The following SKOR2 variants were observed in gnomAD, a reference collection of about 807,000 sequenced individuals.
The protein encoded by SKOR2 is SKI family transcriptional corepressor 2.
Under a neutral mutation model 69.1 loss-of-function variants are expected in SKOR2, and 47 were observed. That is an observed-to-expected ratio of 0.68 (90% CI 0.54 to 0.87). The LOEUF (loss-of-function observed/expected upper bound fraction) is 0.87. Ranked by LOEUF, SKOR2 falls within the 40% of genes least tolerant of loss-of-function variation. The pLI is 0.00. For missense variants in SKOR2, 1,404 were observed against 1,472.2 expected, an observed-to-expected ratio of 0.95 and a Z score of 0.76; for synonymous variants, 717 against 672.6, an observed-to-expected ratio of 1.07 and a Z score of -1.02.
At chr18:47,224,857 C>A (rs1194268513) in intron 6 of SKOR2, among the ~76,000 whole-genome samples, 1 of 152,110 alleles carries the variant, frequency 6.6e-6, no homozygotes, top group Non-Finnish European at 1.5e-5. Context: ...TGGGCTCAAG[C>A]AATCCTCCTG....
Position 47,248,206 on chromosome 18 carries a change from G to A in SKOR2, c.978C>T (p.Ala326=), listed in dbSNP as rs1353371567. Residue 326 remains alanine, a synonymous_variant, in exon 2 of 9, where the codon GCC becomes GCT. Transcript: ENST00000425639. This position sits in a 1 kb window ranked among gnomAD's most constrained non-coding sequence, Gnocchi z 6.4. The part of the protein sequence containing the change: ...DSLQEAAVVA[A]ASLSAAAASL... ...TGGCGGCTGCGGCCGAGAGGCTGGC[G>A]GCGGCCACTACGGCGGCCTCCTGCA... The A allele has an allele frequency of 1.6e-6, 2 of 1,231,886 alleles. No individual in the cohort carries two copies. The highest frequency in any genetic ancestry group is 1.0e-6 in the Non-Finnish European group (1 of 990,066). 76.3% of individuals were successfully genotyped at this position (1,231,886 alleles called of 1,614,324 possible).
intron 4 of SKOR2, among the ~76,000 whole-genome samples, chr18:47,233,746 T>C (rs1315533300): frequency 6.6e-6 from 1 of 152,248 alleles, no homozygotes; most frequent in Non-Finnish European, 1.5e-5. Context: ...CTGTTTATCT[T>C]ATATTATGTT....
At position 47,248,200 on chromosome 18, in the gene SKOR2, G is replaced by A; in HGVS notation, c.984C>T (p.Ser328=). 8.1e-7 allele frequency: 1 copy of A among 1,231,366 alleles called. No individual in the cohort carries two copies. Among genetic ancestry groups the A allele is most frequent in the Middle Eastern group, 3.1e-4 (1 of 3,258 alleles). The allele number at this position is 1,231,366 out of a possible 1,614,324, so 76.3% of individuals were successfully genotyped here. A position where few individuals can be genotyped will look rare whatever the true frequency, so the allele number is the denominator to read the frequency against. ...LQEAAVVAAA[S]LSAAAASLSV... ...AGAGGCTGGCGGCTGCGGCCGAGAG[G>A]CTGGCGGCGGCCACTACGGCGGCCT... Residue 328 remains serine, a synonymous_variant, in exon 2 of 9, where the codon AGC becomes AGT. Coordinates refer to ENST00000425639, the MANE Select transcript of SKOR2 (RefSeq NM_001278063.4). The surrounding 1 kb of genome is among the most constrained non-coding windows in gnomAD (Gnocchi z 6.4).
intron 6 of SKOR2, among the ~76,000 whole-genome samples, chr18:47,229,521 G>A (rs2064189902): frequency 6.6e-6 from 1 of 151,984 alleles, no homozygotes; most frequent in Non-Finnish European, 1.5e-5. Flanking sequence ...AGGTGTAGTG[G>A]TGTGTGCCTG....
At chr18:47,219,841 CA>C (rs1832560875) in intron 7 of SKOR2, 101 bp downstream of exon 7, 2 of 1,045,794 alleles carry the variant, frequency 1.9e-6, no homozygotes, top group Non-Finnish European at 2.8e-6. Flanking sequence ...GTAAGTGGAC[CA>C]AAGGATTTCA....
chr18:47,230,079 T>C (rs937074549), intron 6 of SKOR2, among the ~76,000 whole-genome samples: 3 of 152,154 alleles, frequency 2.0e-5, no homozygotes, highest in African/African-American at 7.2e-5. Context: ...AAGTTAACTT[T>C]TTCTTGTTTT....
intron 4 of SKOR2, among the ~76,000 whole-genome samples, chr18:47,232,489 TTC>T (rs1208412967): frequency 6.6e-6 from 1 of 152,214 alleles, no homozygotes; most frequent in African/African-American, 2.4e-5. Context: ...AGCTTTTCAT[TTC>T]TGTCTGAAGA....
At position 47,230,980 on chromosome 18, in the gene SKOR2, T is replaced by G. The variant is rs186934427; in HGVS notation, c.2773A>C (p.Asn925His). ...TCCTTTTTCAGTGAATGAGGTGAGTTGGTTTCTTGTGTATGTTCACCTTTT... is the reference window on the plus strand; with the variant it reads ...TCCTTTTTCAGTGAATGAGGTGAGTGGGTTTCTTGTGTATGTTCACCTTTT... The part of the protein sequence containing the change: ...ERSGEHTQET[N>H]SPHSLKKDVE... The change falls in exon 5 of 9, where the codon AAC becomes CAC. Residue 925 changes from asparagine to histidine, a missense_variant. By Grantham distance (68) the Asn-to-His change is moderately conservative. Around this residue, in one of 3 missense-constraint regions of SKOR2, gnomAD observed 1,266 missense variants for 1,309.9 expected, o/e 0.97. Coordinates refer to ENST00000425639, the MANE Select transcript of SKOR2 (RefSeq NM_001278063.4). 1.3e-6 allele frequency: 2 copies of G among 1,536,036 alleles called. No homozygotes were observed. Among genetic ancestry groups the G allele is most frequent in the African/African-American group, 2.7e-5 (2 of 73,176 alleles).
Position 47,247,016 on chromosome 18 carries a change from CT to C in SKOR2, c.2167del (p.Ser723AlafsTer59). The C allele has an allele frequency of 6.7e-7, 1 of 1,486,778 alleles. No homozygotes were observed. The highest frequency in any genetic ancestry group is 2.9e-5 in the East Asian group (1 of 34,566). The allele number at this position is 1,486,778 out of a possible 1,614,324, so 92.1% of individuals were successfully genotyped here. A position where few individuals can be genotyped will look rare whatever the true frequency, so the allele number is the denominator to read the frequency against. On this transcript the variant is annotated frameshift_variant, in exon 2 of 9. Transcript: ENST00000425639. LOFTEE classifies it high-confidence loss of function. This position sits in a 1 kb window ranked among gnomAD's most constrained non-coding sequence, Gnocchi z 6.6. ...HRGLLSPGGT[S>X]CCYPSEDSSE... is the part of the protein sequence containing the mutation. ...GCTGTCCTCGCTGGGGTAGCAGCAG[CT>C]GGTTCCCCCGGGAGACAGAAGGCCT... is the stretch of plus-strand genomic sequence containing the variant.
Position 47,249,073 on chromosome 18 carries a change from T to C in SKOR2, c.111A>G (p.Lys37=), listed in dbSNP as rs1205793959. ...GGATCACCTGGCCCACCTGGTTGGG[T>C]TTGAGGTTGGCGTGCCCTGGCCGCG... ...SQPRPGHANL[K]PNQVGQVILY... The change falls in exon 2 of 9, where the codon AAA becomes AAG. Residue 37 remains lysine, a synonymous_variant. Coordinates refer to ENST00000425639, the MANE Select transcript of SKOR2 (RefSeq NM_001278063.4). 6.5e-7 allele frequency: 1 copy of C among 1,536,510 alleles called. No homozygotes were observed. Among genetic ancestry groups the C allele is most frequent in the African/African-American group, 1.4e-5 (1 of 73,008 alleles).
At chr18:47,215,971 A>T (rs563795939) in intron 7 of SKOR2, among the ~76,000 whole-genome samples, 42 of 152,294 alleles carry the variant, frequency 2.8e-4, no homozygotes, top group Admixed American at 2.4e-3. Context: ...AATTCATAAT[A>T]AAAAAAGGTT....
chr18:47,219,909 G>T, intron 7 of SKOR2, 34 bp downstream of exon 7: 1 of 1,519,132 alleles, frequency 6.6e-7, no homozygotes, highest in Non-Finnish European at 8.8e-7. Context: ...AACCAATTAA[G>T]TTGCATTTAT....
At chr18:47,235,365 C>T (rs1156918277) in intron 4 of SKOR2, among the ~76,000 whole-genome samples, 2 of 151,918 alleles carry the variant, frequency 1.3e-5, no homozygotes, top group African/African-American at 2.4e-5. Flanking sequence ...GACTTAAATA[C>T]AAAAAAGAAG....
At chr18:47,221,179 C>A (rs368482945) in intron 6 of SKOR2, among the ~76,000 whole-genome samples, 1 of 152,084 alleles carries the variant, frequency 6.6e-6, no homozygotes, top group Non-Finnish European at 1.5e-5. Flanking sequence ...CAACTTCTAC[C>A]TTTTCATACT....
rs1019678634 is a variant in SKOR2 at position 47,249,476 on chromosome 18, C to T, written c.-47-246G>A. The stretch of plus-strand genomic sequence containing the variant: ...AAGTGAATTAACTATGTATTTTCCT[C>T]AAAAGCAGTGAATTCCTAAGAAACC... On this transcript the variant is annotated intron_variant, in intron 1 of 8. Coordinates refer to ENST00000425639, the MANE Select transcript of SKOR2 (RefSeq NM_001278063.4). Among the ~76,000 whole-genome samples, 23 of 152,306 alleles carry T rather than the reference C, an allele frequency of 1.5e-4. No homozygotes were observed. In the East Asian group the frequency reaches 4.4e-3, roughly 29 times the overall value.
At chr18:47,222,192 C>T (rs2064163717) in intron 6 of SKOR2, among the ~76,000 whole-genome samples, 1 of 151,820 alleles carries the variant, frequency 6.6e-6, no homozygotes, top group Non-Finnish European at 1.5e-5. Flanking sequence ...CATGGAGGTG[C>T]ACAACTGTAG....
At position 47,247,646 on chromosome 18, in the gene SKOR2, A is replaced by T; in HGVS notation, c.1538T>A (p.Leu513Gln). 7.4e-7 allele frequency: 1 copy of T among 1,353,258 alleles called. No homozygotes were observed. Among genetic ancestry groups the T allele is most frequent in the Non-Finnish European group, 9.5e-7 (1 of 1,055,792 alleles). The allele number at this position is 1,353,258 out of a possible 1,614,324, so 83.8% of individuals were successfully genotyped here. ...CCCAGCAGCACCGCCTGGCTCAGCC[A>T]GGTCCAGGAAGGCCTGGCGCAGCAG... ...PALLRQAFLD[L>Q]AEPGGAAGSA... is the part of the protein sequence containing the mutation. Residue 513 changes from leucine (L) to glutamine (Q), a missense_variant, in exon 2 of 9, where the codon CTG (leucine) becomes CAG (glutamine). By Grantham distance (113) the Leu-to-Gln change is moderately radical. This residue lies in a region of SKOR2 where 1,266 missense variants were observed against 1,309.9 expected (regional missense o/e 0.97). Transcript: ENST00000425639. The surrounding 1 kb of genome is among the most constrained non-coding windows in gnomAD (Gnocchi z 6.6).
At chr18:47,240,611 C>A (rs1294326102) in intron 4 of SKOR2, among the ~76,000 whole-genome samples, 1 of 152,060 alleles carries the variant, frequency 6.6e-6, no homozygotes, top group Non-Finnish European at 1.5e-5. Context: ...TTAAAAAAAT[C>A]ATTTAAAAAT....
At chr18:47,238,319 T>C (rs567691742) in intron 4 of SKOR2, among the ~76,000 whole-genome samples, 1 of 134,974 alleles carries the variant, frequency 7.4e-6, no homozygotes. Flanking sequence ...TCTTTTCTTT[T>C]CTTTTTTTTT....
Sources: allele counts gnomAD v4.1 joint callset (sites outside exome capture counted in the v4.1 genomes callset), GRCh38; gene constraint gnomAD v4.1.1; regional missense constraint gnomAD v4.1.1; non-coding constraint Gnocchi (gnomAD v3.1); transcripts MANE v1.5; gene names NCBI Gene and HGNC (gene_info 2026-07-23, HGNC 2026-07-21).